Variants in EPHA5 observed in about 807,000 individuals in gnomAD.
The protein encoded by EPHA5 is ephrin type-A receptor 5.
A neutral mutation model predicts 105.0 loss-of-function variants in EPHA5; 60 were observed. The observed-to-expected ratio is 0.57, with a 90% confidence interval of 0.46 to 0.71. The LOEUF (loss-of-function observed/expected upper bound fraction) is 0.71, where lower values mean the gene tolerates loss of function less well. Among genes scored for constraint, EPHA5 ranks in the 30% least tolerant of loss-of-function variants. EPHA5 has a pLI of 0.00. For synonymous variants in EPHA5, 513 were observed against 449.1 expected, an observed-to-expected ratio of 1.14 and a Z score of -1.80; for missense variants, 1,218 against 1,274.7, an observed-to-expected ratio of 0.96 and a Z score of 0.68.
At chr4:65,594,698 A>T (rs1742998820) in intron 3 of EPHA5, among the ~76,000 whole-genome samples, 1 of 152,192 alleles carries the variant, frequency 6.6e-6, no homozygotes. Context: ...ATCAACATAT[A>T]GCAGAAGAGT....
At chr4:65,426,119 C>T (rs1343660287) in intron 5 of EPHA5, among the ~76,000 whole-genome samples, 1 of 152,100 alleles carries the variant, frequency 6.6e-6, no homozygotes, top group Admixed American at 6.6e-5. Context: ...AATTTTGTCA[C>T]GTCACTACCC....
chr4:65,351,825 A>C (rs879522633), intron 12 of EPHA5, among the ~76,000 whole-genome samples: 8 of 152,036 alleles, frequency 5.3e-5, no homozygotes, highest in South Asian at 2.1e-4. Context: ...ACCCTGGCCA[A>C]AAATCTTATG....
intron 5 of EPHA5, among the ~76,000 whole-genome samples, chr4:65,432,573 G>A (rs1035344522): frequency 2.0e-5 from 3 of 147,212 alleles, no homozygotes; most frequent in African/African-American, 8.1e-5. Context: ...TTTTGGTTTT[G>A]TTTTTCTTTT....
intron 14 of EPHA5, among the ~76,000 whole-genome samples, chr4:65,345,937 T>C (rs1488322308): frequency 6.6e-6 from 1 of 151,982 alleles, no homozygotes; most frequent in East Asian, 1.9e-4. Flanking sequence ...CACGCCCGGC[T>C]AATTTTTTGT....
In EPHA5 at chr4:65,556,744, C is replaced by A. The variant is rs189572292; in HGVS notation, c.910+44897G>T. ...TTATTATTATTTTCAGCAAATAGAG[C>A]ATTAGCTTCAGCACTTAGCTTGATT... On this transcript the variant is annotated intron_variant, in intron 3 of 16. Transcript: ENST00000613740. 2.2e-4 allele frequency among the ~76,000 whole-genome samples: 34 copies of A among 152,204 alleles called. No individual in the cohort carries two copies. The East Asian group carries it at 5.8e-3, about 26-fold the overall frequency.
At chr4:65,616,066 A>G (rs577861888) in intron 2 of EPHA5, among the ~76,000 whole-genome samples, 4 of 151,898 alleles carry the variant, frequency 2.6e-5, no homozygotes, top group Admixed American at 2.0e-4. Flanking sequence ...GGTTAAACAA[A>G]CTGTAGTACA....
At chr4:65,525,753 C>T (rs2149290161) in intron 3 of EPHA5, among the ~76,000 whole-genome samples, 1 of 152,022 alleles carries the variant, frequency 6.6e-6, no homozygotes, top group South Asian at 2.1e-4. Flanking sequence ...ATGTACAGAT[C>T]TAGGAGTGGT....
intron 3 of EPHA5, among the ~76,000 whole-genome samples, chr4:65,591,714 G>A (rs1019443412): frequency 2.6e-5 from 4 of 151,604 alleles, no homozygotes; most frequent in African/African-American, 4.8e-5. Flanking sequence ...TAATTCTAAC[G>A]TTACTTACAG....
intron 6 of EPHA5, among the ~76,000 whole-genome samples, chr4:65,418,009 C>G (rs1262678058): frequency 6.6e-6 from 1 of 152,114 alleles, no homozygotes; most frequent in Non-Finnish European, 1.5e-5. Context: ...CTAGTTGATT[C>G]AGAGATAAAA....
chr4:65,338,890 T>C (rs1353473984), intron 14 of EPHA5, among the ~76,000 whole-genome samples: 1 of 152,094 alleles, frequency 6.6e-6, no homozygotes, highest in Non-Finnish European at 1.5e-5. Context: ...CATTTTCCCA[T>C]GCAACTTGTA....
chr4:65,347,474 C>T (rs566165463), intron 14 of EPHA5, among the ~76,000 whole-genome samples: 5 of 152,222 alleles, frequency 3.3e-5, no homozygotes, highest in East Asian at 3.9e-4. Flanking sequence ...TGAATTTGAA[C>T]AGAAGATTCT....
intron 5 of EPHA5, among the ~76,000 whole-genome samples, chr4:65,462,456 G>A (rs115308952): frequency 6.6e-6 from 1 of 152,016 alleles, no homozygotes; most frequent in African/African-American, 2.4e-5. Context: ...TTGATGGGGG[G>A]GTCTTCTCCT....
At chr4:65,580,507 T>C (rs1741506920) in intron 3 of EPHA5, among the ~76,000 whole-genome samples, 1 of 151,868 alleles carries the variant, frequency 6.6e-6, no homozygotes, top group Admixed American at 6.6e-5. Flanking sequence ...TTGAAAAACA[T>C]GATACTAAAT....
intron 8 of EPHA5, among the ~76,000 whole-genome samples, chr4:65,378,088 T>C (rs1719187630): frequency 6.6e-6 from 1 of 151,916 alleles, no homozygotes; most frequent in Non-Finnish European, 1.5e-5. Context: ...TGAAGATAGA[T>C]GATTATTTCC....
At chr4:65,583,850 C>T (rs1741875526) in intron 3 of EPHA5, among the ~76,000 whole-genome samples, 1 of 151,454 alleles carries the variant, frequency 6.6e-6, no homozygotes. Flanking sequence ...TAAATGTATA[C>T]ATAAAATAGG....
At chr4:65,340,413 C>T (rs777616375) in intron 14 of EPHA5, among the ~76,000 whole-genome samples, 1 of 152,260 alleles carries the variant, frequency 6.6e-6, no homozygotes, top group African/African-American at 2.4e-5. Context: ...AAAGAAGTCA[C>T]CATAATGGCA....
intron 11 of EPHA5, among the ~76,000 whole-genome samples, chr4:65,363,517 G>A (rs546098512): frequency 4.0e-5 from 6 of 151,406 alleles, no homozygotes; most frequent in Non-Finnish European, 7.4e-5. Flanking sequence ...CATTATGAAG[G>A]GTAGATTGGC....
intron 14 of EPHA5, among the ~76,000 whole-genome samples, chr4:65,343,927 TAC>T (rs891568496): frequency 6.6e-6 from 1 of 152,054 alleles, no homozygotes; most frequent in Non-Finnish European, 1.5e-5. Flanking sequence ...TAATTTGAAA[TAC>T]AGTTATCTGA....
chr4:65,630,731 T>C (rs969995539), intron 2 of EPHA5, among the ~76,000 whole-genome samples: 9 of 152,184 alleles, frequency 5.9e-5, no homozygotes, highest in Non-Finnish European at 1.0e-4. Context: ...GCTGCAGACC[T>C]GTACAGATTC....
Sources: allele counts gnomAD v4.1 joint callset (sites outside exome capture counted in the v4.1 genomes callset), GRCh38; gene constraint gnomAD v4.1.1; transcripts MANE v1.5; gene names NCBI Gene and HGNC (gene_info 2026-07-23, HGNC 2026-07-21).